SBNO1: variants seen among roughly 807,000 people sequenced by gnomAD.
SBNO1 encodes strawberry notch homolog 1.
SBNO1 carries 23 observed loss-of-function variants against 173.6 expected under a neutral mutation model. The ratio of observed to expected loss-of-function variants is 0.13; its 90% CI spans 0.10 to 0.19. SBNO1 has a LOEUF of 0.19. SBNO1 is among the 10% of genes least tolerant of loss of function. The pLI, the probability that SBNO1 is intolerant of heterozygous loss-of-function variation, is 1.00. For missense variants in SBNO1, 1,238 were observed against 1,671.2 expected, an observed-to-expected ratio of 0.74 and a Z score of 4.52; for synonymous variants, 632 against 571.5, an observed-to-expected ratio of 1.11 and a Z score of -1.51.
intron 31 of SBNO1, among the ~76,000 whole-genome samples, chr12:123,296,909 C>T (rs570379964): frequency 1.5e-4 from 22 of 150,672 alleles, no homozygotes; most frequent in Admixed American, 4.0e-4. Context: ...GTTGCCTAGG[C>T]TGGTCTCAAA....
At chr12:123,296,593 GCT>G (rs1239597067) in intron 31 of SBNO1, among the ~76,000 whole-genome samples, 5 of 143,384 alleles carry the variant, frequency 3.5e-5, no homozygotes, top group African/African-American at 1.3e-4. Context: ...ATGGAGTATT[GCT>G]CTGTCGCCAG....
intron 24 of SBNO1, among the ~76,000 whole-genome samples, chr12:123,312,560 A>G (rs1273373890): frequency 6.6e-6 from 1 of 151,886 alleles, no homozygotes; most frequent in African/African-American, 2.4e-5. Flanking sequence ...GAAAACACAA[A>G]AATTAGCCAG....
intron 1 of SBNO1, among the ~76,000 whole-genome samples, chr12:123,356,431 T>C (rs1874466869): frequency 6.6e-6 from 1 of 152,124 alleles, no homozygotes; most frequent in Non-Finnish European, 1.5e-5. Context: ...TTCATACTAG[T>C]CTTTGGGTTT....
chr12:123,302,005 A>G (rs376803775), intron 30 of SBNO1, among the ~76,000 whole-genome samples: 1 of 151,724 alleles, frequency 6.6e-6, no homozygotes, highest in South Asian at 2.1e-4. Flanking sequence ...CAGTGGTGCA[A>G]TCTCGGCTCA....
chr12:123,346,524 C>T (rs548356389), intron 3 of SBNO1, among the ~76,000 whole-genome samples: 1 of 152,002 alleles, frequency 6.6e-6, no homozygotes, highest in African/African-American at 2.4e-5. Context: ...ATTAGCCGGG[C>T]GTGGTGGCGG....
intron 29 of SBNO1, among the ~76,000 whole-genome samples, chr12:123,304,184 G>A (rs2048859218): frequency 6.6e-6 from 1 of 152,082 alleles, no homozygotes; most frequent in Admixed American, 6.6e-5. Flanking sequence ...AACCGCCTTG[G>A]CCTCCCAAAG....
intron 28 of SBNO1, among the ~76,000 whole-genome samples, chr12:123,306,008 A>G (rs961016530): frequency 1.3e-5 from 2 of 152,294 alleles, no homozygotes; most frequent in South Asian, 4.1e-4. Context: ...GGGGCTATTA[A>G]CTTTTTATAT....
At chr12:123,343,689 C>G (rs1872799462) in intron 4 of SBNO1, among the ~76,000 whole-genome samples, 1 of 152,094 alleles carries the variant, frequency 6.6e-6, no homozygotes, top group Non-Finnish European at 1.5e-5. Context: ...AGGTGCCCAT[C>G]ATCATGCCCA....
intron 29 of SBNO1, 85 bp downstream of exon 29, chr12:123,304,497 A>T: frequency 9.4e-7 from 1 of 1,062,954 alleles, no homozygotes; most frequent in South Asian, 1.4e-5. Flanking sequence ...CGGCCTCCCA[A>T]AGTGCTGAGA....
At chr12:123,313,440 T>C (rs1331794913) in intron 24 of SBNO1, among the ~76,000 whole-genome samples, 180 bp downstream of exon 24, 4 of 152,068 alleles carry the variant, frequency 2.6e-5, no homozygotes, top group Non-Finnish European at 5.9e-5. Context: ...TTGAATAAAA[T>C]TTGCTTTAAT....
intron 28 of SBNO1, among the ~76,000 whole-genome samples, chr12:123,306,568 A>C (rs1457503922): frequency 6.6e-6 from 1 of 152,138 alleles, no homozygotes; most frequent in African/African-American, 2.4e-5. Flanking sequence ...AATAATAACC[A>C]AGAGCCAGGT....
intron 1 of SBNO1, among the ~76,000 whole-genome samples, chr12:123,352,420 C>A (rs965955004): frequency 6.6e-6 from 1 of 151,564 alleles, no homozygotes. Context: ...GATGCTCCTG[C>A]CTCACCCTCC....
At chr12:123,325,838 C>A (rs1036313441) in intron 14 of SBNO1, among the ~76,000 whole-genome samples, 3 of 152,132 alleles carry the variant, frequency 2.0e-5, no homozygotes, top group Non-Finnish European at 2.9e-5. Flanking sequence ...TGCCCTTGTA[C>A]AGTTTATAGT....
chr12:123,293,674 T>C lies in SBNO1; in HGVS notation c.*2234A>G, dbSNP rs1347090271. ...ATACATACACTCCTATTTATCAAGA[T>C]GGCTAGTCCAGAGCAAACATTACAT... is the stretch of plus-strand genomic sequence containing the variant. On this transcript the variant is annotated 3_prime_UTR_variant, in exon 32 of 32. Transcript: ENST00000602398. The C allele has an allele frequency of 6.6e-6, 1 of 152,188 alleles. No individual in the cohort carries two copies. The highest frequency in any genetic ancestry group is 1.5e-5 in the Non-Finnish European group (1 of 68,044). The allele number at this position is 152,188 out of a possible 1,614,324, so 9.4% of individuals were successfully genotyped here.
At chr12:123,336,358 C>G (rs1223422643) in intron 6 of SBNO1, 37 bp downstream of exon 6, 1 of 1,258,362 alleles carries the variant, frequency 7.9e-7, no homozygotes, top group Non-Finnish European at 1.1e-6. Flanking sequence ...CACAGGAAAA[C>G]TTTGATGTAA....
intron 13 of SBNO1, 34 bp from the exon 14 acceptor site, chr12:123,326,368 A>G (rs1274575277): frequency 2.8e-6 from 4 of 1,421,646 alleles, no homozygotes; most frequent in Non-Finnish European, 3.8e-6. Context: ...CAGACACTTC[A>G]TCTTTGAGTC....
chr12:123,316,649 A>G (rs1173889410), intron 21 of SBNO1, among the ~76,000 whole-genome samples: 5 of 151,430 alleles, frequency 3.3e-5, no homozygotes, highest in Non-Finnish European at 5.9e-5. Context: ...CCTCCTGAGT[A>G]GCTGGGACTA....
intron 13 of SBNO1, among the ~76,000 whole-genome samples, chr12:123,326,658 G>C (rs185311430): frequency 1.3e-5 from 2 of 152,212 alleles, no homozygotes; most frequent in African/African-American, 4.8e-5. Context: ...AGGCGCAGTG[G>C]CTGATGCCTG....
chr12:123,363,900 A>T (rs758192778), intron 1 of SBNO1: 220 of 985,394 alleles, frequency 2.2e-4, no homozygotes, highest in Non-Finnish European at 2.6e-4. Flanking sequence ...GTTTAGGAAC[A>T]TCCAAATCTC....
Sources: gnomAD v4.1 joint callset for allele counts (sites outside exome capture counted in the v4.1 genomes callset) on GRCh38, gnomAD v4.1.1 for gene constraint, MANE v1.5 for transcripts, NCBI Gene and HGNC (gene_info 2026-07-23, HGNC 2026-07-21) for gene names.